The following ZSWIM5 variants were observed in gnomAD, a reference collection of about 807,000 sequenced individuals.
The protein encoded by ZSWIM5 is zinc finger SWIM-type containing 5.
Under a neutral mutation model 119.6 loss-of-function variants are expected in ZSWIM5, and 55 were observed. That is an observed-to-expected ratio of 0.46 (90% CI 0.37 to 0.58). The LOEUF (loss-of-function observed/expected upper bound fraction) is 0.58. Among genes scored for constraint, ZSWIM5 ranks in the 20% least tolerant of loss-of-function variants. The probability of loss-of-function intolerance (pLI) is 0.00; values close to 1 mark genes in which losing one functional copy is unlikely to be tolerated. For synonymous variants in ZSWIM5, 537 were observed against 606.9 expected, an observed-to-expected ratio of 0.88 and a Z score of 1.69; for missense variants, 1,193 against 1,512.8, an observed-to-expected ratio of 0.79 and a Z score of 3.51.
intron 1 of ZSWIM5, among the ~76,000 whole-genome samples, chr1:45,166,299 G>A (rs1187836299): frequency 1.3e-5 from 2 of 151,990 alleles, no homozygotes; most frequent in African/African-American, 4.8e-5. Flanking sequence ...AATAAACTAG[G>A]TATTGATGGG....
In ZSWIM5 at chr1:45,040,472, AG is replaced by A; in HGVS notation, c.1675del (p.Leu559SerfsTer11). On this transcript the variant is annotated frameshift_variant, in exon 7 of 14. Coordinates refer to ENST00000359600, the MANE Select transcript of ZSWIM5 (RefSeq NM_020883.2). LOFTEE classifies it high-confidence loss of function. ...LRSHGYPKEA[L>X]RLTVAIINTL... ...ATTAATAATGGCCACTGTGAGTCTG[AG>A]GGCCTCTTTTGGATAACCATGGGAA... 1 of 1,612,354 alleles carries A rather than the reference AG, an allele frequency of 6.2e-7. No individual in the cohort carries two copies. Among genetic ancestry groups the A allele is most frequent in the Non-Finnish European group, 8.5e-7 (1 of 1,179,236 alleles).
intron 11 of ZSWIM5, among the ~76,000 whole-genome samples, chr1:45,028,581 C>A (rs1057056980): frequency 9.2e-5 from 14 of 151,884 alleles, no homozygotes; most frequent in Middle Eastern, 3.2e-3. Context: ...CATGGCAAAA[C>A]CCCATCTCTA....
At chr1:45,205,107 C>G (rs1315607116) in intron 1 of ZSWIM5, among the ~76,000 whole-genome samples, 1 of 151,658 alleles carries the variant, frequency 6.6e-6, no homozygotes, top group East Asian at 1.9e-4. Context: ...ACCCCACCCC[C>G]ACTCCAGATT....
At chr1:45,077,151 T>G (rs1645260472) in intron 2 of ZSWIM5, among the ~76,000 whole-genome samples, 1 of 152,174 alleles carries the variant, frequency 6.6e-6, no homozygotes, top group African/African-American at 2.4e-5. Flanking sequence ...ATGGTGTTGA[T>G]GCTTGTAGAT....
intron 1 of ZSWIM5, among the ~76,000 whole-genome samples, chr1:45,150,288 G>C (rs751958853): frequency 1.3e-5 from 2 of 151,734 alleles, no homozygotes; most frequent in Non-Finnish European, 2.9e-5. Flanking sequence ...TAACCACATT[G>C]AGATACCATT....
rs1238109893 is a variant in ZSWIM5 at position 45,016,718 on chromosome 1, C to G, written c.*1736G>C. On this transcript the variant is annotated 3_prime_UTR_variant, in exon 14 of 14. Coordinates refer to ENST00000359600, the MANE Select transcript of ZSWIM5 (RefSeq NM_020883.2). ...TATACCACCCCTTCCCTATCAAACC[C>G]CACCCCCAACTCAGGAACTAAGACA... is the stretch of plus-strand genomic sequence containing the variant. The G allele has an allele frequency of 6.6e-6, 1 of 152,184 alleles. No individual in the cohort carries two copies. Among genetic ancestry groups the G allele is most frequent in the African/African-American group, 2.4e-5 (1 of 41,420 alleles). 9.4% of individuals were successfully genotyped at this position (152,184 alleles called of 1,614,324 possible).
chr1:45,205,433 G>A (rs1646181706), intron 1 of ZSWIM5, among the ~76,000 whole-genome samples: 1 of 152,054 alleles, frequency 6.6e-6, no homozygotes, highest in Non-Finnish European at 1.5e-5. Flanking sequence ...CTTAAATTAG[G>A]ACAACACATT....
intron 1 of ZSWIM5, among the ~76,000 whole-genome samples, chr1:45,200,073 T>C (rs1292451858): frequency 1.3e-5 from 2 of 152,128 alleles, no homozygotes; most frequent in African/African-American, 4.8e-5. Flanking sequence ...ATAAATCAAT[T>C]AAGAGAGATG....
chr1:45,053,421 A>T (rs892402565), intron 4 of ZSWIM5, among the ~76,000 whole-genome samples: 4 of 152,108 alleles, frequency 2.6e-5, no homozygotes, highest in African/African-American at 7.2e-5. Flanking sequence ...CAGGGTGCTA[A>T]TTCTAGTCCT....
At chr1:45,048,635 G>A (rs533614854) in intron 5 of ZSWIM5, among the ~76,000 whole-genome samples, 2 of 152,236 alleles carry the variant, frequency 1.3e-5, no homozygotes, top group African/African-American at 4.8e-5. Context: ...GATTGATGGT[G>A]GTAACTGGTG....
At chr1:45,093,726 C>T (rs185038779) in intron 1 of ZSWIM5, among the ~76,000 whole-genome samples, 225 of 152,244 alleles carry the variant, frequency 1.5e-3, no homozygotes, top group African/African-American at 5.2e-3. Flanking sequence ...AGTCTGATTA[C>T]TCCTGAGAAT....
In ZSWIM5 at chr1:45,206,087, C is replaced by T. The variant is rs775530394; in HGVS notation, c.264G>A (p.Arg88=). 5 of 1,611,844 alleles carry T rather than the reference C, an allele frequency of 3.1e-6. No homozygotes were observed. The highest frequency in any genetic ancestry group is 1.7e-4 in the Middle Eastern group (1 of 6,060). The change falls in exon 1 of 14, where the codon CGG becomes CGA. Residue 88 remains arginine, a synonymous_variant. Transcript: ENST00000359600. The stretch of plus-strand genomic sequence containing the variant: ...TGCGGCGCTGCACGGGCTCCGGGAT[C>T]CGCTCGAAGCGCTCCTCCACCCGTT... ...AYERVEERFE[R]IPEPVQRRIV... is the part of the protein sequence containing the mutation.
rs1264388156 is a variant in ZSWIM5 at position 45,206,090 on chromosome 1, C to A, written c.261G>T (p.Glu87Asp). 1.9e-6 allele frequency: 3 copies of A among 1,611,810 alleles called. No individual in the cohort carries two copies. The highest frequency in any genetic ancestry group is 2.5e-6 in the Non-Finnish European group (3 of 1,179,438). The change falls in exon 1 of 14, where the codon GAG becomes GAT. Residue 87 changes from glutamate to aspartate, a missense_variant. Transcript: ENST00000359600. ...GGCGCTGCACGGGCTCCGGGATCCG[C>A]TCGAAGCGCTCCTCCACCCGTTCGT... ...WAYERVEERFERIPEPVQRRI... is the reference protein window; with the variant it reads ...WAYERVEERFDRIPEPVQRRI...
chr1:45,197,137 C>T (rs981170345), intron 1 of ZSWIM5, among the ~76,000 whole-genome samples: 2 of 152,214 alleles, frequency 1.3e-5, no homozygotes, highest in African/African-American at 2.4e-5. Context: ...CATACATGAA[C>T]CTGTTTGGGA....
rs75896780 is a variant in ZSWIM5 at position 45,145,345 on chromosome 1, C to CA, written c.596-57109dup. On this transcript the variant is annotated intron_variant, in intron 1 of 13. Transcript: ENST00000359600. ...CTAGAGAAATGAAAAGTTACGTTAA[C>CA]AAAAAAAAAAAAAAACTGGTTATCA... is the stretch of plus-strand genomic sequence containing the variant. 8.3e-3 allele frequency among the ~76,000 whole-genome samples: 793 copies of CA among 95,068 alleles called. 1 individual carries two copies. The highest frequency in any genetic ancestry group is 0.017 in the East Asian group (53 of 3,190). 62.4% of individuals were successfully genotyped at this position (95,068 alleles called of 152,430 possible).
intron 11 of ZSWIM5, among the ~76,000 whole-genome samples, chr1:45,028,143 G>A (rs918305512): frequency 2.0e-5 from 3 of 152,150 alleles, no homozygotes; most frequent in Admixed American, 6.5e-5. Flanking sequence ...GAGCCACCAC[G>A]CCTGGCTGCT....
At chr1:45,073,158 A>G (rs1400287951) in intron 2 of ZSWIM5, among the ~76,000 whole-genome samples, 1 of 148,844 alleles carries the variant, frequency 6.7e-6, no homozygotes, top group African/African-American at 2.5e-5. Flanking sequence ...ACTCCTAGGT[A>G]TTTAATTTTA....
At chr1:45,092,202 T>G (rs2149013368) in intron 1 of ZSWIM5, among the ~76,000 whole-genome samples, 1 of 152,320 alleles carries the variant, frequency 6.6e-6, no homozygotes, top group African/African-American at 2.4e-5. Context: ...TGTGTTAGGC[T>G]CCATTCTAAG....
At chr1:45,137,118 C>T (rs1372600199) in intron 1 of ZSWIM5, among the ~76,000 whole-genome samples, 2 of 152,098 alleles carry the variant, frequency 1.3e-5, no homozygotes, top group South Asian at 2.1e-4. Flanking sequence ...CTCACTGTGT[C>T]GGCCAGGCTA....
Sources: allele counts gnomAD v4.1 joint callset (sites outside exome capture counted in the v4.1 genomes callset), GRCh38; gene constraint gnomAD v4.1.1; transcripts MANE v1.5; gene names NCBI Gene and HGNC (gene_info 2026-07-23, HGNC 2026-07-21).